Variants in ADARB2 observed in about 807,000 individuals in gnomAD.
ADARB2 encodes inactive double-stranded RNA-specific editase B2.
A neutral mutation model predicts 62.2 loss-of-function variants in ADARB2; 25 were observed. The ratio of observed to expected loss-of-function variants is 0.40; its 90% CI spans 0.29 to 0.56. The LOEUF is 0.56. ADARB2 is among the 20% of genes least tolerant of loss of function. ADARB2 has a pLI of 0.43. For synonymous variants in ADARB2, 572 were observed against 500.8 expected, an observed-to-expected ratio of 1.14 and a Z score of -1.90; for missense variants, 1,071 against 1,077.4, an observed-to-expected ratio of 0.99 and a Z score of 0.08.
At chr10:1,368,409 G>A (rs767776671) in intron 2 of ADARB2, among the ~76,000 whole-genome samples, 9 of 152,012 alleles carry the variant, frequency 5.9e-5, no homozygotes, top group Non-Finnish European at 1.3e-4. Context: ...GCCGCATCTC[G>A]CCCACCTTGC....
chr10:1,658,561 T>C (rs140720525), intron 1 of ADARB2, among the ~76,000 whole-genome samples: 1 of 152,252 alleles, frequency 6.6e-6, no homozygotes, highest in African/African-American at 2.4e-5. Flanking sequence ...TCTCTGTCTC[T>C]CTATCTCTCT....
chr10:1,349,374 G>A (rs541001754), intron 3 of ADARB2, among the ~76,000 whole-genome samples: 1 of 152,108 alleles, frequency 6.6e-6, no homozygotes, highest in South Asian at 2.1e-4. Flanking sequence ...CAGCCATGTT[G>A]CTCCCACAAA....
chr10:1,733,700 T>C (rs369848936), intron 1 of ADARB2, among the ~76,000 whole-genome samples: 1 of 152,246 alleles, frequency 6.6e-6, no homozygotes, highest in South Asian at 2.1e-4. Context: ...TACGTACACA[T>C]TGAGCTATTT....
intron 1 of ADARB2, among the ~76,000 whole-genome samples, chr10:1,496,942 G>C (rs1588277918): frequency 1.3e-5 from 2 of 152,140 alleles, no homozygotes; most frequent in East Asian, 3.8e-4. Context: ...CACATATTAA[G>C]AGGTCTTAGA....
intron 2 of ADARB2, among the ~76,000 whole-genome samples, chr10:1,364,391 C>T (rs1832294967): frequency 6.6e-6 from 1 of 152,222 alleles, no homozygotes; most frequent in East Asian, 1.9e-4. Context: ...CAGCTAGAGG[C>T]AGACAGGTGG....
intron 2 of ADARB2, among the ~76,000 whole-genome samples, chr10:1,376,502 T>TG (rs1375620075): frequency 6.6e-6 from 1 of 151,954 alleles, no homozygotes; most frequent in Non-Finnish European, 1.5e-5. Flanking sequence ...CTGCCCAGTG[T>TG]GGGGGTTCTT....
chr10:1,691,929 G>A (rs1332724910), intron 1 of ADARB2, among the ~76,000 whole-genome samples: 2 of 151,980 alleles, frequency 1.3e-5, no homozygotes, highest in Non-Finnish European at 2.9e-5. Flanking sequence ...GTGCACGCAT[G>A]CATGTATCTA....
chr10:1,476,308 A>G (rs1463058450), intron 1 of ADARB2, among the ~76,000 whole-genome samples: 2 of 152,134 alleles, frequency 1.3e-5, no homozygotes, highest in South Asian at 4.1e-4. Flanking sequence ...AGGGTGCCCA[A>G]CTGCAGGTCT....
intron 1 of ADARB2, among the ~76,000 whole-genome samples, chr10:1,548,065 G>A (rs1832553269): frequency 6.6e-6 from 1 of 152,042 alleles, no homozygotes; most frequent in Admixed American, 6.5e-5. Flanking sequence ...CTGAGCTGCT[G>A]TGGTCTGTCA....
At chr10:1,202,334 G>A (rs1035001420) in intron 7 of ADARB2, among the ~76,000 whole-genome samples, 2 of 151,852 alleles carry the variant, frequency 1.3e-5, no homozygotes, top group Non-Finnish European at 1.5e-5. Context: ...ATAGCTCACC[G>A]CAGCCTAATT....
chr10:1,231,322 C>A (rs1196378072), intron 6 of ADARB2, among the ~76,000 whole-genome samples: 1 of 152,186 alleles, frequency 6.6e-6, no homozygotes, highest in South Asian at 2.1e-4. Context: ...CAGTAGCTGT[C>A]CAATGGACCA....
At chr10:1,595,523 C>A (rs1054136950) in intron 1 of ADARB2, among the ~76,000 whole-genome samples, 2 of 152,200 alleles carry the variant, frequency 1.3e-5, no homozygotes, top group East Asian at 3.8e-4. Context: ...TGGTCGGAAC[C>A]ATGGCTGCCA....
intron 4 of ADARB2, among the ~76,000 whole-genome samples, chr10:1,244,674 G>A (rs1216307546): frequency 6.6e-6 from 1 of 152,186 alleles, no homozygotes; most frequent in Non-Finnish European, 1.5e-5. Context: ...GTCAGAAACG[G>A]CTGCAGCATG....
At chr10:1,382,549 C>T (rs748759890) in intron 1 of ADARB2, among the ~76,000 whole-genome samples, 6 of 152,140 alleles carry the variant, frequency 3.9e-5, no homozygotes, top group Admixed American at 6.5e-5. Context: ...GTGGTTTCCT[C>T]GGAACTCATT....
At chr10:1,663,829 G>A (rs1333432801) in intron 1 of ADARB2, among the ~76,000 whole-genome samples, 1 of 152,140 alleles carries the variant, frequency 6.6e-6, no homozygotes, top group African/African-American at 2.4e-5. Flanking sequence ...TCTTGACCAG[G>A]CTGGTCTGGA....
intron 1 of ADARB2, among the ~76,000 whole-genome samples, chr10:1,422,131 A>G (rs1205278232): frequency 6.6e-6 from 1 of 152,208 alleles, no homozygotes; most frequent in Non-Finnish European, 1.5e-5. Context: ...CTTAACTTCC[A>G]CGAGTTTTTA....
At chr10:1,730,813 T>C (rs1311396315) in intron 1 of ADARB2, among the ~76,000 whole-genome samples, 2 of 152,202 alleles carry the variant, frequency 1.3e-5, no homozygotes, top group Non-Finnish European at 2.9e-5. Context: ...ATTTTTGTAA[T>C]TTAAAACAGA....
chr10:1,724,368 C>T (rs1835136181), intron 1 of ADARB2, among the ~76,000 whole-genome samples: 4 of 152,216 alleles, frequency 2.6e-5, no homozygotes, highest in Admixed American at 2.6e-4. Context: ...AGGACACTCT[C>T]ACAGGATCAG....
chr10:1,479,856 C>G (rs2131923369), intron 1 of ADARB2, among the ~76,000 whole-genome samples: 1 of 152,310 alleles, frequency 6.6e-6, no homozygotes, highest in East Asian at 1.9e-4. Flanking sequence ...AATATCAAGA[C>G]AAAACATCGA....
Sources: allele counts gnomAD v4.1 joint callset (sites outside exome capture counted in the v4.1 genomes callset), GRCh38; gene constraint gnomAD v4.1.1; transcripts MANE v1.5; gene names NCBI Gene and HGNC (gene_info 2026-07-23, HGNC 2026-07-21).